The following CDH13 variants were observed in gnomAD, a reference collection of about 807,000 sequenced individuals.
CDH13 encodes the protein cadherin-13.
In CDH13, 24 loss-of-function variants were observed where a neutral mutation model predicts 63.8. The ratio of observed to expected loss-of-function variants is 0.38; its 90% CI spans 0.27 to 0.53. The LOEUF (loss-of-function observed/expected upper bound fraction) is 0.53. Ranked by LOEUF, CDH13 falls within the 20% of genes least tolerant of loss-of-function variation. The pLI, the probability that CDH13 is intolerant of heterozygous loss-of-function variation, is 0.85. For missense variants in CDH13, 1,049 were observed against 903.1 expected (o/e 1.16, Z -2.07); for synonymous variants, 503 against 355.3 (o/e 1.42, Z -4.67).
intron 2 of CDH13, among the ~76,000 whole-genome samples, chr16:82,896,224 C>G (rs1483828924): frequency 4.7e-5 from 7 of 147,982 alleles, no homozygotes. Context: ...ACAACACTGC[C>G]AGGCATATTG....
chr16:82,950,601 G>A (rs1401334277), intron 2 of CDH13, among the ~76,000 whole-genome samples: 2 of 152,072 alleles, frequency 1.3e-5, no homozygotes, highest in Non-Finnish European at 2.9e-5. Flanking sequence ...CACCATGATT[G>A]TGAGGCCTCT....
intron 7 of CDH13, among the ~76,000 whole-genome samples, chr16:83,487,778 A>C: frequency 6.6e-6 from 1 of 152,160 alleles, no homozygotes; most frequent in Non-Finnish European, 1.5e-5. Context: ...GGCTCTGTGC[A>C]TTTCCCCCTC....
chr16:83,064,479 C>G (rs969565430), intron 3 of CDH13, among the ~76,000 whole-genome samples: 35 of 152,194 alleles, frequency 2.3e-4, no homozygotes, highest in African/African-American at 8.2e-4. Context: ...AAATGTTCTG[C>G]TAGCCATATT....
chr16:83,507,578 A>G (rs1054172880), intron 7 of CDH13, among the ~76,000 whole-genome samples: 5 of 152,210 alleles, frequency 3.3e-5, no homozygotes, highest in African/African-American at 1.2e-4. Flanking sequence ...TCCAAAGGTG[A>G]CTGGAATGCT....
At chr16:82,832,312 T>G (rs1015149086) in intron 1 of CDH13, among the ~76,000 whole-genome samples, 1 of 152,228 alleles carries the variant, frequency 6.6e-6, no homozygotes, top group African/African-American at 2.4e-5. Context: ...GAAAATAAGT[T>G]TTGCAATATC....
At chr16:82,816,176 A>G (rs2037698490) in intron 1 of CDH13, among the ~76,000 whole-genome samples, 1 of 152,118 alleles carries the variant, frequency 6.6e-6, no homozygotes, top group African/African-American at 2.4e-5. Flanking sequence ...ACATACAAGG[A>G]GCCCCTCCTG....
chr16:83,313,519 G>A (rs1000652034), intron 5 of CDH13, among the ~76,000 whole-genome samples: 4 of 152,086 alleles, frequency 2.6e-5, no homozygotes, highest in Non-Finnish European at 5.9e-5. Context: ...GCCAAATAGA[G>A]TGTGTCTGCC....
intron 1 of CDH13, among the ~76,000 whole-genome samples, chr16:82,759,297 T>G (rs1405772054): frequency 2.0e-5 from 3 of 152,176 alleles, no homozygotes; most frequent in Non-Finnish European, 4.4e-5. Context: ...TTCCCAAATA[T>G]ATTCTCTGCT....
chr16:83,428,015 A>G (rs1171283715), intron 6 of CDH13, among the ~76,000 whole-genome samples: 1 of 152,166 alleles, frequency 6.6e-6, no homozygotes, highest in African/African-American at 2.4e-5. Flanking sequence ...CACTGGCTCA[A>G]ATTAAAATTT....
chr16:82,717,218 A>G (rs1393535521), intron 1 of CDH13, among the ~76,000 whole-genome samples: 3 of 152,002 alleles, frequency 2.0e-5, no homozygotes, highest in Non-Finnish European at 4.4e-5. Context: ...AGAGATGCAT[A>G]AGAGGATGCC....
At chr16:83,766,057 G>A (rs1011048220) in intron 11 of CDH13, among the ~76,000 whole-genome samples, 1 of 152,124 alleles carries the variant, frequency 6.6e-6, no homozygotes, top group African/African-American at 2.4e-5. Flanking sequence ...TCTCAGATGG[G>A]CCCATCTTCC....
chr16:83,179,508 C>T (rs972494807), intron 4 of CDH13, among the ~76,000 whole-genome samples: 11 of 84,288 alleles, frequency 1.3e-4, no homozygotes, highest in African/African-American at 6.4e-4. Flanking sequence ...AAAAATTAGC[C>T]GGGCGTGGTG....
At chr16:82,971,611 G>A (rs957114611) in intron 2 of CDH13, among the ~76,000 whole-genome samples, 8 of 152,200 alleles carry the variant, frequency 5.3e-5, no homozygotes, top group Non-Finnish European at 1.0e-4. Flanking sequence ...CAACTAGTGT[G>A]CGTTAAATGA....
At chr16:83,255,962 A>C (rs1906209748) in intron 5 of CDH13, among the ~76,000 whole-genome samples, 1 of 152,174 alleles carries the variant, frequency 6.6e-6, no homozygotes, top group Non-Finnish European at 1.5e-5. Context: ...CAAATCTAAG[A>C]AGATTTGATG....
intron 2 of CDH13, among the ~76,000 whole-genome samples, chr16:82,911,530 C>G (rs1305110577): frequency 6.6e-6 from 1 of 152,172 alleles, no homozygotes; most frequent in Non-Finnish European, 1.5e-5. Context: ...TTCCTCTTCT[C>G]TAACTCTGTG....
At chr16:83,304,156 G>C (rs558644540) in intron 5 of CDH13, among the ~76,000 whole-genome samples, 1 of 152,290 alleles carries the variant, frequency 6.6e-6, no homozygotes, top group African/African-American at 2.4e-5. Flanking sequence ...GGAGAGGTAG[G>C]TGAGGGCTGG....
intron 1 of CDH13, among the ~76,000 whole-genome samples, chr16:82,761,017 C>CTTTCTTTTTTT (rs2034820362): frequency 2.5e-5 from 1 of 40,452 alleles, no homozygotes; most frequent in African/African-American, 8.9e-5. Flanking sequence ...TTCTTTCTTT[C>CTTTCTTTTTTT]TTTTTTTTTT....
chr16:82,983,756 T>G (rs377077118), intron 2 of CDH13, among the ~76,000 whole-genome samples: 1 of 152,316 alleles, frequency 6.6e-6, no homozygotes, highest in African/African-American at 2.4e-5. Context: ...TGCCTGCTTC[T>G]GTGTTGTGTG....
At chr16:82,789,750 TTTC>T (rs2036197000) in intron 1 of CDH13, among the ~76,000 whole-genome samples, 1 of 152,206 alleles carries the variant, frequency 6.6e-6, no homozygotes, top group Admixed American at 6.5e-5. Context: ...GTCTGAATAA[TTTC>T]TTCTTGCTCC....
Sources: allele counts gnomAD v4.1 joint callset (sites outside exome capture counted in the v4.1 genomes callset), GRCh38; gene constraint gnomAD v4.1.1; transcripts MANE v1.5; gene names NCBI Gene and HGNC (gene_info 2026-07-23, HGNC 2026-07-21).